Variants in HNRNPM observed in about 807,000 individuals in gnomAD.
The protein encoded by HNRNPM is CEA receptor.
In HNRNPM, 11 loss-of-function variants were observed where a neutral mutation model predicts 73.1. That is an observed-to-expected ratio of 0.15 (90% CI 0.09 to 0.25). The LOEUF (loss-of-function observed/expected upper bound fraction) is 0.25. Ranked by LOEUF, HNRNPM falls within the 10% of genes least tolerant of loss-of-function variation. HNRNPM has a pLI of 1.00. For synonymous variants in HNRNPM, 407 were observed against 355.2 expected, an observed-to-expected ratio of 1.15 and a Z score of -1.64; for missense variants, 789 against 1,067.9, an observed-to-expected ratio of 0.74 and a Z score of 3.64.
chr19:8,476,741 A>G (rs1415688066), intron 12 of HNRNPM, among the ~76,000 whole-genome samples: 1 of 152,176 alleles, frequency 6.6e-6, no homozygotes, highest in Non-Finnish European at 1.5e-5. Flanking sequence ...CAACATGCTG[A>G]TGCCAGCCTG....
chr19:8,487,126 C>A, intron 15 of HNRNPM, 51 bp downstream of exon 15: 1 of 1,499,932 alleles, frequency 6.7e-7, no homozygotes, highest in Non-Finnish European at 9.3e-7. Context: ...TTGTTGGTGA[C>A]GCAGCCGAGT....
chr19:8,480,647 A>C (rs1385936833), intron 12 of HNRNPM, among the ~76,000 whole-genome samples: 1 of 151,008 alleles, frequency 6.6e-6, no homozygotes, highest in Non-Finnish European at 1.5e-5. Context: ...TGGGCGACAG[A>C]GTGAGACTCT....
In HNRNPM at chr19:8,473,783, G is replaced by C. The variant is rs78449787; in HGVS notation, c.1042+75G>C. 6.4e-4 allele frequency: 597 copies of C among 933,904 alleles called. 9 individuals are homozygous for C. In the East Asian group the frequency reaches 0.014, roughly 21 times the overall value. 57.9% of individuals were successfully genotyped at this position (933,904 alleles called of 1,614,324 possible). A position where few individuals can be genotyped will look rare whatever the true frequency, so the allele number is the denominator to read the frequency against. On this transcript the variant is annotated intron_variant, in intron 11 of 15. Transcript: ENST00000325495. The stretch of plus-strand genomic sequence containing the variant: ...TTCTCTCTTTCCTCTTTTCTTTCTT[G>C]TTTAAACCCTGCATGAAATTCTCTT...
At chr19:8,473,994 T>C (rs1195326329) in intron 11 of HNRNPM, among the ~76,000 whole-genome samples, 173 bp from the exon 12 acceptor site, 1 of 152,028 alleles carries the variant, frequency 6.6e-6, no homozygotes, top group African/African-American at 2.4e-5. Flanking sequence ...TTTTTGAAGA[T>C]GGGTGATTTT....
At chr19:8,456,713 C>T (rs1275842475) in intron 2 of HNRNPM, among the ~76,000 whole-genome samples, 3 of 152,164 alleles carry the variant, frequency 2.0e-5, no homozygotes, top group African/African-American at 7.2e-5. Flanking sequence ...TTATTTTGAC[C>T]ATGACATGCA....
chr19:8,482,883 T>C (rs923792107), intron 12 of HNRNPM: 1 of 370,906 alleles, frequency 2.7e-6, no homozygotes, highest in South Asian at 3.7e-5. Flanking sequence ...CATGAATGCA[T>C]ATGACTCCTA....
At chr19:8,482,105 T>C (rs1287736489) in intron 12 of HNRNPM, among the ~76,000 whole-genome samples, 1 of 151,664 alleles carries the variant, frequency 6.6e-6, no homozygotes, top group Non-Finnish European at 1.5e-5. Context: ...CCTGAGTAAC[T>C]GGGATTACAG....
chr19:8,466,202 A>C, intron 6 of HNRNPM, 33 bp from the exon 7 acceptor site: 1 of 1,591,532 alleles, frequency 6.3e-7, no homozygotes, highest in Non-Finnish European at 8.5e-7. Context: ...AGATGTTTAC[A>C]TTGAGGTTTT....
intron 2 of HNRNPM, among the ~76,000 whole-genome samples, chr19:8,461,768 G>C (rs1969414867): frequency 6.6e-6 from 1 of 152,074 alleles, no homozygotes; most frequent in African/African-American, 2.4e-5. Context: ...CAAGAATGAA[G>C]CCTGGCCTAA....
chr19:8,487,167 C>A (rs762773005), intron 15 of HNRNPM, 92 bp downstream of exon 15: 3 of 1,096,904 alleles, frequency 2.7e-6, no homozygotes, highest in Non-Finnish European at 4.2e-6. Context: ...CAGCCCCCTC[C>A]GTCGGCTCAG....
intron 12 of HNRNPM, among the ~76,000 whole-genome samples, chr19:8,480,160 G>C (rs1385262502): frequency 3.4e-5 from 5 of 146,582 alleles, no homozygotes; most frequent in Admixed American, 3.4e-4. Context: ...GGTGAATCAC[G>C]AGGTTAGGAG....
At chr19:8,486,973 T>G (rs1468736125) in intron 14 of HNRNPM, 51 bp from the exon 15 acceptor site, 1 of 1,466,700 alleles carries the variant, frequency 6.8e-7, no homozygotes, top group African/African-American at 1.4e-5. Flanking sequence ...AAGGCATGCC[T>G]TAGGATTTGG....
At chr19:8,445,197 C>G in intron 1 of HNRNPM, 86 bp downstream of exon 1, 1 of 1,193,144 alleles carries the variant, frequency 8.4e-7, no homozygotes, top group South Asian at 2.2e-5. Context: ...CTGTTGGCGG[C>G]CTAGCCCCGG....
In HNRNPM at chr19:8,481,250, A is replaced by C. The variant is rs1311017121; in HGVS notation, c.1121-1908A>C. On this transcript the variant is annotated intron_variant, in intron 12 of 15. Coordinates refer to ENST00000325495, the MANE Select transcript of HNRNPM (RefSeq NM_005968.5). The stretch of plus-strand genomic sequence containing the variant: ...GAGGCGATACTAAGGGTGGCTTGGG[A>C]CATCGCCAGAGGTCTGTGCATCCAA... Among the ~76,000 whole-genome samples, 9 of 152,170 alleles carry C rather than the reference A, an allele frequency of 5.9e-5. No individual in the cohort carries two copies. The South Asian group carries it at 1.9e-3, about 32-fold the overall frequency.
intron 1 of HNRNPM, among the ~76,000 whole-genome samples, chr19:8,452,913 T>G (rs1013576289): frequency 2.0e-5 from 3 of 152,162 alleles, no homozygotes; most frequent in Non-Finnish European, 2.9e-5. Flanking sequence ...CAATCATAGT[T>G]CACTGCAATC....
chr19:8,475,911 T>C (rs944273039), intron 12 of HNRNPM, among the ~76,000 whole-genome samples: 20 of 146,908 alleles, frequency 1.4e-4, no homozygotes, highest in South Asian at 2.1e-4. Context: ...CTCTCTTTTT[T>C]TTTTTTTTTT....
intron 2 of HNRNPM, among the ~76,000 whole-genome samples, chr19:8,457,498 G>A (rs970079152): frequency 6.6e-6 from 1 of 152,182 alleles, no homozygotes; most frequent in African/African-American, 2.4e-5. Flanking sequence ...CAGTAAATCA[G>A]TTATTTTTAA....
At chr19:8,475,899 C>G (rs1970467245) in intron 12 of HNRNPM, among the ~76,000 whole-genome samples, 1 of 104,560 alleles carries the variant, frequency 9.6e-6, no homozygotes, top group Non-Finnish European at 1.9e-5. Context: ...GAAACCCCAT[C>G]TCTCTCTTTT....
chr19:8,455,639 C>A lies in HNRNPM; in HGVS notation c.283+65C>A, dbSNP rs534170084. 1.3e-4 allele frequency: 189 copies of A among 1,412,684 alleles called. 3 individuals carry two copies. In the South Asian group the frequency reaches 2.2e-3, roughly 16 times the overall value. 87.5% of individuals were successfully genotyped at this position (1,412,684 alleles called of 1,614,324 possible). On this transcript the variant is annotated intron_variant, in intron 2 of 15. Transcript: ENST00000325495. ...GTGTCATCTTTTCTGTGGCTAATTC[C>A]TTGGTTATTTTTGGTCAGTGGAAGC...
Sources: allele counts gnomAD v4.1 joint callset (sites outside exome capture counted in the v4.1 genomes callset), GRCh38; gene constraint gnomAD v4.1.1; transcripts MANE v1.5; gene names NCBI Gene and HGNC (gene_info 2026-07-23, HGNC 2026-07-21).